CHURC1: variants seen among roughly 807,000 people sequenced by gnomAD.
CHURC1 encodes the protein churchill domain containing 1.
In CHURC1, 12 loss-of-function variants were observed where a neutral mutation model predicts 15.4. That is an observed-to-expected ratio of 0.78 (90% CI 0.50 to 1.27). CHURC1 has a LOEUF of 1.27. Among genes scored for constraint, CHURC1 ranks in the 50% most tolerant of loss-of-function variants. The pLI is 0.00. For missense variants in CHURC1, 132 were observed against 137.8 expected (o/e 0.96, Z 0.21); for synonymous variants, 42 against 47.5 (o/e 0.88, Z 0.48).
At chr14:64,922,447 G>A (rs146292899) in intron 1 of CHURC1, among the ~76,000 whole-genome samples, 307 of 151,694 alleles carry the variant, frequency 2.0e-3, no homozygotes, top group Non-Finnish European at 3.5e-3. Context: ...GCGTGGTGGC[G>A]GGCACCTGTA....
intron 1 of CHURC1, among the ~76,000 whole-genome samples, chr14:64,916,956 A>G (rs183571196): frequency 7.2e-5 from 11 of 152,328 alleles, no homozygotes; most frequent in African/African-American, 2.6e-4. Context: ...CATTTTAGGC[A>G]TTGGGCCACC....
At position 64,932,912 on chromosome 14, in the gene CHURC1, AG is replaced by A. The variant is rs1885158123; in HGVS notation, c.*688del. 1.3e-5 allele frequency: 2 copies of A among 152,208 alleles called. No individual in the cohort carries two copies. Among genetic ancestry groups the A allele is most frequent in the South Asian group, 2.1e-4 (1 of 4,830 alleles). 9.4% of individuals were successfully genotyped at this position (152,208 alleles called of 1,614,324 possible). A position where few individuals can be genotyped will look rare whatever the true frequency, so the allele number is the denominator to read the frequency against. ...CTTCCTTGCAGAGTATAATATGGAA[AG>A]GGGGGAAAAGAGTAACTTTACAGTG... On this transcript the variant is annotated 3_prime_UTR_variant, in exon 4 of 4. Transcript: ENST00000549115.
At chr14:64,926,506 G>A (rs1041184943) in intron 3 of CHURC1, among the ~76,000 whole-genome samples, 1 of 152,174 alleles carries the variant, frequency 6.6e-6, no homozygotes, top group Non-Finnish European at 1.5e-5. Context: ...GCACATTCTA[G>A]CTTCTTATGA....
intron 1 of CHURC1, among the ~76,000 whole-genome samples, chr14:64,921,099 T>TG (rs1351677733): frequency 6.6e-6 from 1 of 152,094 alleles, no homozygotes; most frequent in Non-Finnish European, 1.5e-5. Context: ...TGTAATTCAG[T>TG]GGGGGGAAAG....
intron 1 of CHURC1, among the ~76,000 whole-genome samples, chr14:64,922,577 CAAAAAAAAAAAA>C (rs572205182): frequency 2.4e-5 from 2 of 84,032 alleles, no homozygotes; most frequent in Non-Finnish European, 5.1e-5. Context: ...GACTCCGTCT[CAAAAAAAAAAAA>C]AAAAAAAAAA....
chr14:64,925,624 G>T (rs1884624226), intron 2 of CHURC1, among the ~76,000 whole-genome samples: 1 of 143,162 alleles, frequency 7.0e-6, no homozygotes, highest in South Asian at 2.2e-4. Flanking sequence ...TTGAGACTGG[G>T]AGGTTGAAGC....
In CHURC1 at chr14:64,932,432, A is replaced by G. The variant is rs926191958; in HGVS notation, c.*202A>G. 21 of 1,313,838 alleles carry G rather than the reference A, an allele frequency of 1.6e-5. No homozygotes were observed. The African/African-American group carries it at 3.0e-4, about 19-fold the overall frequency. The allele number at this position is 1,313,838 out of a possible 1,614,324, so 81.4% of individuals were successfully genotyped here. ...GCTCTTCTGCTAAAGTTCAAAGTTC[A>G]CATCAGTGTAGCCAGAGTGAAGCAT... On this transcript the variant is annotated 3_prime_UTR_variant, in exon 4 of 4. Transcript: ENST00000549115.
chr14:64,934,855 CTA>C lies in CHURC1; in HGVS notation c.*2629_*2630del. On this transcript the variant is annotated 3_prime_UTR_variant, in exon 4 of 4. Coordinates refer to ENST00000549115, the MANE Select transcript of CHURC1 (RefSeq NM_001386928.1). ...TGTATAATTATCTATTTGTTTTGGA[CTA>C]TATGTTACAAAAATTTAAAACATAA... is the stretch of plus-strand genomic sequence containing the variant. 1 of 984,190 alleles carries C rather than the reference CTA, an allele frequency of 1.0e-6. No individual in the cohort carries two copies. Among genetic ancestry groups the C allele is most frequent in the Non-Finnish European group, 1.2e-6 (1 of 828,914 alleles). The allele number at this position is 984,190 out of a possible 1,614,324, so 61.0% of individuals were successfully genotyped here. A position where few individuals can be genotyped will look rare whatever the true frequency, so the allele number is the denominator to read the frequency against.
intron 1 of CHURC1, among the ~76,000 whole-genome samples, chr14:64,915,495 G>T (rs1883819254): frequency 2.0e-5 from 3 of 152,336 alleles, no homozygotes; most frequent in African/African-American, 7.2e-5. Context: ...AGACTTGAAG[G>T]ACAGTTGTAA....
Position 64,935,207 on chromosome 14 carries a change from A to T in CHURC1, c.*2977A>T. On this transcript the variant is annotated 3_prime_UTR_variant, in exon 4 of 4. Transcript: ENST00000549115. ...TGTGGGGTGAGGGGAGGGGTGAGGG[A>T]TAGCATTAGGAGATATACCTGATGC... The T allele has an allele frequency of 4.2e-6, 1 of 240,166 alleles. No homozygotes were observed. Among genetic ancestry groups the T allele is most frequent in the Non-Finnish European group, 6.7e-6 (1 of 148,860 alleles). 14.9% of individuals were successfully genotyped at this position (240,166 alleles called of 1,614,324 possible).
intron 2 of CHURC1, among the ~76,000 whole-genome samples, chr14:64,925,715 A>G (rs2139901168): frequency 6.6e-6 from 1 of 151,552 alleles, no homozygotes; most frequent in Admixed American, 6.6e-5. Context: ...AAAAAAAAAA[A>G]AAGAAATTGA....
In CHURC1 at chr14:64,933,617, T is replaced by C; in HGVS notation, c.*1387T>C. The C allele has an allele frequency of 1.0e-6, 1 of 985,234 alleles. No individual in the cohort carries two copies. The highest frequency in any genetic ancestry group is 1.2e-6 in the Non-Finnish European group (1 of 829,724). 61.0% of individuals were successfully genotyped at this position (985,234 alleles called of 1,614,324 possible). ...AAATGAATTAGTGAATGTAAGATAC[T>C]TTAGAAAGCATGTAAAGTACTAGAA... On this transcript the variant is annotated 3_prime_UTR_variant, in exon 4 of 4. Transcript: ENST00000549115.
intron 1 of CHURC1, among the ~76,000 whole-genome samples, chr14:64,915,869 T>G (rs1483423193): frequency 6.6e-6 from 1 of 152,220 alleles, no homozygotes; most frequent in South Asian, 2.1e-4. Flanking sequence ...CATTAATGAA[T>G]GAGGAATGGA....
At chr14:64,914,844 C>CT (rs1883749817) in intron 1 of CHURC1, among the ~76,000 whole-genome samples, 2 of 152,236 alleles carry the variant, frequency 1.3e-5, no homozygotes, top group African/African-American at 4.8e-5. Context: ...CCGGTCTCAT[C>CT]CTCAAGCTCG....
chr14:64,932,165 G>A lies in CHURC1; in HGVS notation c.274G>A (p.Gly92Ser), dbSNP rs45485893. Residue 92 changes from glycine (G) to serine (S), a missense_variant, in exon 4 of 4, where the codon GGC (glycine) becomes AGC (serine). By Grantham distance (56) the Gly-to-Ser change is moderately conservative (BLOSUM62 0). Transcript: ENST00000549115. Reference protein sequence around the residue: ...QEYTMLCLLCGKAEDTISILP... With the variant: ...QEYTMLCLLCSKAEDTISILP... ...GTATACCATGCTGTGTCTGTTATGC[G>A]GCAAAGCCGAAGATACTATCAGTAT... The A allele has an allele frequency of 8.2e-5, 133 of 1,613,678 alleles. No individual in the cohort carries two copies. Among genetic ancestry groups the A allele is most frequent in the Non-Finnish European group, 1.1e-4 (124 of 1,179,782 alleles).
intron 3 of CHURC1, among the ~76,000 whole-genome samples, chr14:64,929,401 G>A (rs1884946520): frequency 6.6e-6 from 1 of 151,936 alleles, no homozygotes; most frequent in African/African-American, 2.4e-5. Context: ...ACCTATGTCA[G>A]GCCCTGACTC....
chr14:64,917,277 A>G (rs761098661), intron 1 of CHURC1, among the ~76,000 whole-genome samples: 1 of 152,106 alleles, frequency 6.6e-6, no homozygotes, highest in African/African-American at 2.4e-5. Context: ...AAAAAATACA[A>G]ATAGTCTGGG....
Position 64,926,048 on chromosome 14 carries a change from G to T in CHURC1, c.214G>T (p.Glu72Ter), listed in dbSNP as rs781293050. The change falls in exon 3 of 4, where the codon GAG becomes TAG. Residue 72 changes from glutamate (E) to a stop codon, truncating the protein, a stop_gained. Coordinates refer to ENST00000549115, the MANE Select transcript of CHURC1 (RefSeq NM_001386928.1). LOFTEE classifies it high-confidence loss of function. ...KNCHHVIARH[E>*]YTFSIMDEFQ... is the part of the protein sequence containing the mutation. ...TTGTCATCATGTAATAGCCAGACAT[G>T]AGTATACATTCAGTATCATGGATGA... is the stretch of plus-strand genomic sequence containing the variant. The T allele has an allele frequency of 5.0e-6, 8 of 1,602,490 alleles. No homozygotes were observed. The highest frequency in any genetic ancestry group is 6.8e-6 in the Non-Finnish European group (8 of 1,175,248).
chr14:64,921,883 A>C (rs1374719542), intron 1 of CHURC1, among the ~76,000 whole-genome samples: 6 of 152,234 alleles, frequency 3.9e-5, no homozygotes, highest in African/African-American at 1.4e-4. Flanking sequence ...AATGGAAACA[A>C]CCCAAATATC....
Sources: gnomAD v4.1 joint callset for allele counts (sites outside exome capture counted in the v4.1 genomes callset) on GRCh38, gnomAD v4.1.1 for gene constraint, MANE v1.5 for transcripts, NCBI Gene and HGNC (gene_info 2026-07-23, HGNC 2026-07-21) for gene names.